DOCK4: variants seen among roughly 807,000 people sequenced by gnomAD.
DOCK4 encodes dedicator of cytokinesis protein 4.
A neutral mutation model predicts 268.1 loss-of-function variants in DOCK4; 97 were observed. The observed-to-expected ratio is 0.36, with a 90% CI of 0.31 to 0.43. The LOEUF (loss-of-function observed/expected upper bound fraction) is 0.43, where lower values mean the gene tolerates loss of function less well. DOCK4 is among the 20% of genes least tolerant of loss of function. DOCK4 has a pLI of 1.00. For synonymous variants in DOCK4, 954 were observed against 887.2 expected (o/e 1.08, Z -1.34); for missense variants, 2,145 against 2,455.7 (o/e 0.87, Z 2.67).
intron 51 of DOCK4, among the ~76,000 whole-genome samples, chr7:111,734,168 C>G (rs974605002): frequency 2.0e-5 from 3 of 151,874 alleles, no homozygotes; most frequent in African/African-American, 7.3e-5. Flanking sequence ...CTCAAAACTC[C>G]TGGGCTCAAG....
chr7:112,041,647 A>G (rs1372612087), intron 1 of DOCK4, among the ~76,000 whole-genome samples: 1 of 152,218 alleles, frequency 6.6e-6, no homozygotes, highest in Non-Finnish European at 1.5e-5. Context: ...CCATGGGGGT[A>G]ACACAGGATT....
At chr7:111,744,320 T>C (rs1044792197) in intron 44 of DOCK4, among the ~76,000 whole-genome samples, 1 of 152,202 alleles carries the variant, frequency 6.6e-6, no homozygotes, top group Admixed American at 6.5e-5. Context: ...TGCATGTCTC[T>C]GTCCTCTAGA....
At chr7:111,890,222 C>T (rs534040779) in intron 16 of DOCK4, among the ~76,000 whole-genome samples, 5 of 152,218 alleles carry the variant, frequency 3.3e-5, no homozygotes, top group African/African-American at 9.6e-5. Flanking sequence ...TTTTTTGCTT[C>T]ATTCTCTTTT....
chr7:112,104,834 G>C (rs184052876), intron 1 of DOCK4, among the ~76,000 whole-genome samples: 6 of 152,096 alleles, frequency 3.9e-5, no homozygotes, highest in Admixed American at 3.9e-4. Flanking sequence ...ATAAAAAATA[G>C]GTGGAAAAAT....
rs35040331 is a variant in DOCK4, at chr7:111,890,038, G to A, written c.1587+5574C>T. On this transcript the variant is annotated intron_variant, in intron 16 of 52. Coordinates refer to ENST00000428084, the MANE Select transcript of DOCK4 (RefSeq NM_001363540.2). ...TCTTACTGGACCTGAGGGTGTTTCC[G>A]AATGTACTTCCAGTGACTAAAACTC... Among the ~76,000 whole-genome samples the A allele has an allele frequency of 3.3e-3, 507 of 152,232 alleles. 2 individuals are homozygous for A. The highest frequency in any genetic ancestry group is 4.9e-3 in the Non-Finnish European group (330 of 68,018).
intron 35 of DOCK4, among the ~76,000 whole-genome samples, chr7:111,781,759 C>A (rs1263337174): frequency 6.6e-6 from 1 of 152,182 alleles, no homozygotes; most frequent in East Asian, 1.9e-4. Context: ...AAAGCAGAAG[C>A]CCTGAGCTTT....
Position 112,004,460 on chromosome 7 carries a change from T to C in DOCK4, c.38-329A>G, listed in dbSNP as rs192497265. On this transcript the variant is annotated intron_variant, in intron 1 of 52. Transcript: ENST00000428084. The stretch of plus-strand genomic sequence containing the variant: ...GACTGTGACCCTTTTGTTTCACTGC[T>C]TTCTTCACTCCCTCATCCAAATGCC... Among the ~76,000 whole-genome samples, 345 of 152,348 alleles carry C rather than the reference T, an allele frequency of 2.3e-3. 1 individual carries two copies. Among genetic ancestry groups the C allele is most frequent in the African/African-American group, 8.0e-3 (332 of 41,578 alleles).
intron 52 of DOCK4, among the ~76,000 whole-genome samples, chr7:111,730,379 A>G (rs767891248): frequency 4.6e-5 from 7 of 152,220 alleles, no homozygotes; most frequent in Non-Finnish European, 1.0e-4. Context: ...AATGTCCTGG[A>G]AAACTAGTGT....
chr7:112,129,863 A>C (rs77784995), intron 1 of DOCK4, among the ~76,000 whole-genome samples: 20 of 152,290 alleles, frequency 1.3e-4, no homozygotes, highest in African/African-American at 4.8e-4. Context: ...ACTAGATCTC[A>C]TGCCACCAAA....
chr7:112,069,479 A>C (rs1052717833), intron 1 of DOCK4, among the ~76,000 whole-genome samples: 8 of 152,220 alleles, frequency 5.3e-5, no homozygotes, highest in African/African-American at 1.9e-4. Context: ...TGGAAGACTT[A>C]GAGAAAACTG....
At chr7:111,767,238 T>A (rs576472979) in intron 37 of DOCK4, 120 bp from the exon 38 acceptor site, 2 of 822,094 alleles carry the variant, frequency 2.4e-6, no homozygotes, top group Non-Finnish European at 3.8e-6. Context: ...TTTTTTTTTT[T>A]TTTTTTTGAG....
chr7:112,013,114 C>T (rs17159147), intron 1 of DOCK4, among the ~76,000 whole-genome samples: 5,635 of 152,258 alleles, frequency 0.037, 259 homozygotes, highest in East Asian at 0.11. Context: ...GCATAATATT[C>T]GGTCCTGTAT....
chr7:112,065,824 T>A (rs1305399621), intron 1 of DOCK4, among the ~76,000 whole-genome samples: 5 of 152,076 alleles, frequency 3.3e-5, no homozygotes, highest in African/African-American at 1.2e-4. Flanking sequence ...CAAACACTGT[T>A]GATGGAATTA....
chr7:112,086,475 A>T (rs1001641705), intron 1 of DOCK4, among the ~76,000 whole-genome samples: 1 of 152,160 alleles, frequency 6.6e-6, no homozygotes, highest in African/African-American at 2.4e-5. Context: ...CGAGAGCACC[A>T]AAATTCATTA....
intron 1 of DOCK4, among the ~76,000 whole-genome samples, chr7:112,204,111 T>G (rs1821175670): frequency 6.6e-6 from 1 of 152,112 alleles, no homozygotes; most frequent in African/African-American, 2.4e-5. Flanking sequence ...AACCGAGGTG[T>G]CTGCTGCAGC....
chr7:112,127,585 T>G (rs574947340), intron 1 of DOCK4, among the ~76,000 whole-genome samples: 1 of 152,230 alleles, frequency 6.6e-6, no homozygotes, highest in African/African-American at 2.4e-5. Flanking sequence ...ACTTCTTTAT[T>G]TTGAAGAACA....
At chr7:112,103,790 G>A (rs10238710) in intron 1 of DOCK4, among the ~76,000 whole-genome samples, 54,153 of 151,968 alleles carry the variant, frequency 0.36, 9,879 homozygotes, top group African/African-American at 0.41. Flanking sequence ...GCTGAGGCAC[G>A]AGAATTGCTT....
chr7:112,002,676 G>C (rs1800523001), intron 2 of DOCK4, among the ~76,000 whole-genome samples: 1 of 152,204 alleles, frequency 6.6e-6, no homozygotes, highest in African/African-American at 2.4e-5. Flanking sequence ...TTCCTAGTAA[G>C]GAAAACCTTA....
chr7:112,163,917 G>A (rs1563147323), intron 1 of DOCK4, among the ~76,000 whole-genome samples: 1 of 152,144 alleles, frequency 6.6e-6, no homozygotes, highest in Non-Finnish European at 1.5e-5. Context: ...TTTCATCCAA[G>A]TGTTTTGAGC....
Sources: gnomAD v4.1 joint callset for allele counts (sites outside exome capture counted in the v4.1 genomes callset) on GRCh38, gnomAD v4.1.1 for gene constraint, MANE v1.5 for transcripts, NCBI Gene and HGNC (gene_info 2026-07-23, HGNC 2026-07-21) for gene names.